Variants in LILRA6 observed in about 807,000 individuals in gnomAD.
LILRA6 encodes leukocyte immunoglobulin-like receptor subfamily A member 6.
LILRA6 carries 16 observed loss-of-function variants against 53.9 expected under a neutral mutation model. That is an observed-to-expected ratio of 0.30 (90% CI 0.20 to 0.45). The LOEUF (loss-of-function observed/expected upper bound fraction) is 0.45. Among genes scored for constraint, LILRA6 ranks in the 20% least tolerant of loss-of-function variants. The probability of loss-of-function intolerance (pLI) is 1.00; values close to 1 mark genes in which losing one functional copy is unlikely to be tolerated. For synonymous variants in LILRA6, 135 were observed against 256.4 expected, an observed-to-expected ratio of 0.53 and a Z score of 4.52; for missense variants, 306 against 618.6, an observed-to-expected ratio of 0.49 and a Z score of 5.36.
Position 54,241,987 on chromosome 19 carries a change from G to A in LILRA6, c.355+39C>T, listed in dbSNP as rs1342859209. The stretch of plus-strand genomic sequence containing the variant: ...CCTGAGAGCCGACCCCCTTCCTGAG[G>A]GCAGAGCCTGGGGCTGGGACCCCAG... On this transcript the variant is annotated intron_variant, in intron 3 of 7. Coordinates refer to ENST00000396365, the Ensembl canonical transcript of LILRA6. The A allele has an allele frequency of 1.5e-6, 2 of 1,352,060 alleles. 1 individual carries two copies. Among genetic ancestry groups the A allele is most frequent in the Non-Finnish European group, 2.0e-6 (2 of 987,412 alleles). The allele number at this position is 1,352,060 out of a possible 1,614,324, so 83.8% of individuals were successfully genotyped here. A position where few individuals can be genotyped will look rare whatever the true frequency, so the allele number is the denominator to read the frequency against.
In LILRA6 at chr19:54,239,934, T is replaced by A. The variant is rs1330814997; in HGVS notation, c.1276A>T (p.Ser426Cys). The A allele has an allele frequency of 3.2e-6, 5 of 1,552,574 alleles. No homozygotes were observed. The East Asian group carries it at 1.2e-4, about 38-fold the overall frequency. The change falls in exon 7 of 8, where the codon AGC (serine) becomes TGC (cysteine). Residue 426 changes from serine (S) to cysteine (C), a missense_variant. By Grantham distance (112) the Ser-to-Cys change is moderately radical (BLOSUM62 -1). Around this residue, in one of 9 missense-constraint regions of LILRA6, gnomAD observed 106 missense variants for 196.8 expected, o/e 0.54. Transcript: ENST00000396365. ...GAGGGCGGCCCTGTGGGTGGGAGGC[T>A]GGAGCCTCCAGAGTGTCCTGGAAGG... is the stretch of plus-strand genomic sequence containing the variant.
chr19:54,237,769 A>C (rs1851761463), downstream of LILRA6: 3 of 150,740 alleles, frequency 2.0e-5, 1 homozygote, highest in African/African-American at 7.5e-5. Context: ...TCTTTACTCA[A>C]CATCATGATG....
chr19:54,239,561 T>G (rs1314094153), intron 7 of LILRA6: 11 of 910,476 alleles, frequency 1.2e-5, no homozygotes, highest in African/African-American at 7.0e-5. Flanking sequence ...GCTGAGCATT[T>G]GAGCTCAGAG....
Position 54,241,465 on chromosome 19 carries a change from C to T in LILRA6, c.658+111G>A, listed in dbSNP as rs1250545624. On this transcript the variant is annotated intron_variant, in intron 4 of 7. Transcript: ENST00000396365. ...TGGGGTCTCCCTCATGCCTTCAGCC[C>T]GTCCTTCAACACATCACTCTGGGTC... 4.7e-5 allele frequency: 59 copies of T among 1,247,364 alleles called. 6 individuals are homozygous for T. The highest frequency in any genetic ancestry group is 5.8e-5 in the Non-Finnish European group (52 of 898,838). 77.3% of individuals were successfully genotyped at this position (1,247,364 alleles called of 1,614,324 possible).
At chr19:54,236,995 C>G (rs2078648930), downstream of LILRA6, 1 of 150,632 alleles carries the variant, frequency 6.6e-6, no homozygotes, top group African/African-American at 2.5e-5. Context: ...AGTAGGGTGA[C>G]CATAGTTAGC....
chr19:54,242,139 G>C (rs1167806334), exon 3 of LILRA6: 1 of 1,398,034 alleles, frequency 7.2e-7, no homozygotes, highest in Non-Finnish European at 9.7e-7. Context: ...GGAGAATCTG[G>C]CCTTGTTCTT....
chr19:54,238,668 G>T lies in LILRA6; in HGVS notation c.*285C>A, dbSNP rs534493531. ...ATGAATTCCTCAAGAGTTAGTGTTT[G>T]CTGGCCTCCAAGAGGCAAGGATCTC... On this transcript the variant is annotated 3_prime_UTR_variant, in exon 8 of 8. Transcript: ENST00000396365. The T allele has an allele frequency of 8.2e-5, 34 of 413,062 alleles. No individual in the cohort carries two copies. The South Asian group carries it at 1.1e-3, about 13-fold the overall frequency. 25.6% of individuals were successfully genotyped at this position (413,062 alleles called of 1,614,324 possible).
chr19:54,238,513 TGATCGACA>T (rs1400218471), downstream of LILRA6: 1 of 183,234 alleles, frequency 5.5e-6, no homozygotes, highest in Non-Finnish European at 1.1e-5. Flanking sequence ...TCTTCAGGAA[TGATCGACA>T]GATAGTCCAG....
chr19:54,239,639 T>C (rs978631582), intron 7 of LILRA6: 3 of 1,415,036 alleles, frequency 2.1e-6, no homozygotes, highest in African/African-American at 3.0e-5. Flanking sequence ...CCCTGGGGGG[T>C]TGAGGGGCTG....
chr19:54,240,217 G>A, intron 6 of LILRA6, 57 bp downstream of exon 6: 4 of 1,591,796 alleles, frequency 2.5e-6, no homozygotes, highest in Admixed American at 3.4e-5. Flanking sequence ...GCTCTCCTGG[G>A]GGCCTGGGCC....
chr19:54,241,989 CA>C (rs2078777206), intron 3 of LILRA6, 36 bp downstream of exon 3: 3 of 1,361,508 alleles, frequency 2.2e-6, no homozygotes, highest in Non-Finnish European at 3.0e-6. Flanking sequence ...TTCCTGAGGG[CA>C]GAGCCTGGGG....
At chr19:54,239,689 CT>C (rs1177730232) in intron 7 of LILRA6, 5 of 1,545,640 alleles carry the variant, frequency 3.2e-6, no homozygotes, top group Non-Finnish European at 4.4e-6. Flanking sequence ...GAGGTGAAGC[CT>C]GGGGCTACCT....
At chr19:54,237,084 C>T (rs1403643634), downstream of LILRA6, 4 of 150,856 alleles carry the variant, frequency 2.7e-5, no homozygotes, top group African/African-American at 9.9e-5. Context: ...AAAAGTTGGC[C>T]AGGCATAGTG....
chr19:54,237,606 A>G (rs1310879790), downstream of LILRA6: 1 of 151,216 alleles, frequency 6.6e-6, no homozygotes, highest in Non-Finnish European at 1.5e-5. Flanking sequence ...TGTTGAACAG[A>G]ACCCTCCAGT....
rs1402008380 is a variant in LILRA6 at position 54,242,713 on chromosome 19, C to T, written c.34+5G>A. On this transcript the variant is annotated splice_donor_5th_base_variant and intron_variant, in intron 1 of 7. Transcript: ENST00000396365. ...GATCTCCCCCTCCCCATCTTGAAATCTCACCTAGGCAGAGCAGGGCTGCGA... is the reference window on the plus strand; with the variant it reads ...GATCTCCCCCTCCCCATCTTGAAATTTCACCTAGGCAGAGCAGGGCTGCGA... 1.9e-6 allele frequency: 2 copies of T among 1,070,274 alleles called. No individual in the cohort carries two copies. The highest frequency in any genetic ancestry group is 3.9e-5 in the African/African-American group (2 of 51,906). 66.3% of individuals were successfully genotyped at this position (1,070,274 alleles called of 1,614,324 possible). A position where few individuals can be genotyped will look rare whatever the true frequency, so the allele number is the denominator to read the frequency against.
Position 54,242,136 on chromosome 19 carries a change from CT to C in LILRA6, c.244del (p.Arg82AspfsTer7). 2.1e-6 allele frequency: 3 copies of C among 1,396,580 alleles called. No individual in the cohort carries two copies. Among genetic ancestry groups the C allele is most frequent in the Non-Finnish European group, 2.9e-6 (3 of 1,031,492 alleles). The allele number at this position is 1,396,580 out of a possible 1,614,324, so 86.5% of individuals were successfully genotyped here. A position where few individuals can be genotyped will look rare whatever the true frequency, so the allele number is the denominator to read the frequency against. On this transcript the variant is annotated frameshift_variant, in exon 3 of 8. Transcript: ENST00000396365. LOFTEE classifies it high-confidence loss of function. Reference sequence around the variant, plus strand: ...CTCTGTTATGGATGGGATGGAGAATCTGGCCTTGTTCTTGGGTTCCAGTGGG... The same window carrying C: ...CTCTGTTATGGATGGGATGGAGAATCGGCCTTGTTCTTGGGTTCCAGTGGG...
exon 8 of LILRA6, chr19:54,239,053 A>G: frequency 1.1e-5 from 17 of 1,611,448 alleles, no homozygotes; most frequent in Non-Finnish European, 1.4e-5. Context: ...GCCCATGCGG[A>G]TGAGATTCTC....
chr19:54,239,264 T>C, intron 7 of LILRA6, 175 bp from the exon 8 acceptor site: 1 of 1,509,580 alleles, frequency 6.6e-7, no homozygotes. Context: ...CAGCTCCTCC[T>C]GAGAATCAAA....
chr19:54,236,787 A>C (rs958144362), downstream of LILRA6: 1 of 150,950 alleles, frequency 6.6e-6, no homozygotes, highest in African/African-American at 2.5e-5. Context: ...TGTTCAGTGA[A>C]ATAAGCCAGG....
Sources: allele counts gnomAD v4.1 joint callset, GRCh38; gene constraint gnomAD v4.1.1; regional missense constraint gnomAD v4.1.1; transcripts MANE v1.5; gene names NCBI Gene and HGNC (gene_info 2026-07-23, HGNC 2026-07-21).